ADAMTSL3: variants seen among roughly 807,000 people sequenced by gnomAD.
ADAMTSL3 encodes the protein ADAMTS-like protein 3.
Under a neutral mutation model 201.7 loss-of-function variants are expected in ADAMTSL3, and 128 were observed. The observed-to-expected ratio is 0.63, with a 90% CI of 0.55 to 0.73. The LOEUF (loss-of-function observed/expected upper bound fraction) is 0.73. ADAMTSL3 is among the 30% of genes least tolerant of loss of function. The pLI is 0.00. For synonymous variants in ADAMTSL3, 738 were observed against 748.4 expected (o/e 0.99, Z 0.23); for missense variants, 1,990 against 2,119.6 (o/e 0.94, Z 1.20).
At chr15:83,683,942 C>T (rs369489895) in intron 2 of ADAMTSL3, among the ~76,000 whole-genome samples, 3 of 152,296 alleles carry the variant, frequency 2.0e-5, no homozygotes, top group East Asian at 1.9e-4. Context: ...TTTTCTCATT[C>T]TGCTTTTAGT....
chr15:83,939,339 G>T (rs1265211018), intron 17 of ADAMTSL3, among the ~76,000 whole-genome samples: 1 of 152,018 alleles, frequency 6.6e-6, no homozygotes, highest in Admixed American at 6.6e-5. Context: ...CTGACATGGA[G>T]TTTATTTTAG....
intron 4 of ADAMTSL3, among the ~76,000 whole-genome samples, chr15:83,802,748 CT>C (rs1475806661): frequency 2.0e-5 from 3 of 152,136 alleles, no homozygotes; most frequent in Non-Finnish European, 4.4e-5. Context: ...GGTGATGGAA[CT>C]GTTCCAAATA....
intron 2 of ADAMTSL3, among the ~76,000 whole-genome samples, chr15:83,676,244 C>G (rs1040788486): frequency 1.3e-5 from 2 of 151,738 alleles, no homozygotes; most frequent in African/African-American, 2.4e-5. Flanking sequence ...AAATTTCTCT[C>G]TCTGTAACTG....
intron 8 of ADAMTSL3, among the ~76,000 whole-genome samples, chr15:83,860,057 A>G (rs2141780483): frequency 6.6e-6 from 1 of 152,168 alleles, no homozygotes; most frequent in East Asian, 1.9e-4. Flanking sequence ...AGTCCAAGCT[A>G]CTCAAGAGGT....
At chr15:83,727,639 G>A (rs904670964) in intron 3 of ADAMTSL3, among the ~76,000 whole-genome samples, 3 of 151,972 alleles carry the variant, frequency 2.0e-5, no homozygotes, top group Non-Finnish European at 4.4e-5. Context: ...TCATTCAGAA[G>A]CATATTGTTT....
At chr15:84,020,319 T>A (rs544843500) in intron 25 of ADAMTSL3, among the ~76,000 whole-genome samples, 2 of 152,296 alleles carry the variant, frequency 1.3e-5, no homozygotes, top group Admixed American at 6.5e-5. Flanking sequence ...TTTCATTCAG[T>A]TTCCACCTCT....
At chr15:83,905,117 G>A (rs563237210) in intron 15 of ADAMTSL3, among the ~76,000 whole-genome samples, 1 of 152,188 alleles carries the variant, frequency 6.6e-6, no homozygotes, top group Non-Finnish European at 1.5e-5. Context: ...GAGATATTAA[G>A]TGGTGGACAG....
intron 4 of ADAMTSL3, among the ~76,000 whole-genome samples, chr15:83,798,590 G>A (rs948542433): frequency 6.6e-6 from 1 of 151,870 alleles, no homozygotes; most frequent in African/African-American, 2.4e-5. Flanking sequence ...GGCGGATCAC[G>A]AGGTCAGGAG....
chr15:83,681,750 A>C (rs138396409), intron 2 of ADAMTSL3, among the ~76,000 whole-genome samples: 68 of 152,312 alleles, frequency 4.5e-4, no homozygotes, highest in African/African-American at 1.6e-3. Context: ...CTGTCGGTGC[A>C]TGGTAAGAGA....
intron 14 of ADAMTSL3, among the ~76,000 whole-genome samples, chr15:83,898,572 T>A (rs936056465): frequency 2.0e-5 from 3 of 152,018 alleles, no homozygotes; most frequent in Non-Finnish European, 2.9e-5. Flanking sequence ...GCATTTATAA[T>A]CTCTCCAGTA....
chr15:83,898,093 A>G (rs951650456), intron 14 of ADAMTSL3, 88 bp downstream of exon 14: 99 of 1,427,296 alleles, frequency 6.9e-5, no homozygotes, highest in Non-Finnish European at 8.8e-5. Flanking sequence ...TCAACTTACT[A>G]CTTTCTTATA....
chr15:83,881,300 G>T (rs907077731), intron 9 of ADAMTSL3, among the ~76,000 whole-genome samples: 2 of 152,170 alleles, frequency 1.3e-5, no homozygotes, highest in Admixed American at 1.3e-4. Flanking sequence ...TTGGGAACCT[G>T]GGGTGTTTAC....
At chr15:83,949,708 T>C (rs1480107794) in intron 19 of ADAMTSL3, among the ~76,000 whole-genome samples, 1 of 152,170 alleles carries the variant, frequency 6.6e-6, no homozygotes, top group Non-Finnish European at 1.5e-5. Flanking sequence ...CCATTTTAAC[T>C]GGAGTGAGAT....
rs1596268093 is a variant in ADAMTSL3 at position 83,821,745 on chromosome 15, A to G, written c.600+1698A>G. ...CCGTTGTCGTCATGGCCCGTTCTCA[A>G]TGAGCTGTTGGGTACACCTCCCAGA... On this transcript the variant is annotated intron_variant, in intron 6 of 29. Transcript: ENST00000286744. 2.6e-5 allele frequency among the ~76,000 whole-genome samples: 4 copies of G among 152,164 alleles called. No individual in the cohort carries two copies. The South Asian group carries it at 6.2e-4, about 24-fold the overall frequency.
chr15:83,913,293 A>G lies in ADAMTSL3; in HGVS notation c.1902A>G (p.Leu634=), dbSNP rs369940872. The change falls in exon 16 of 30, where the codon CTA becomes CTG. Residue 634 remains leucine, a synonymous_variant. Coordinates refer to ENST00000286744, the MANE Select transcript of ADAMTSL3 (RefSeq NM_207517.3). The stretch of plus-strand genomic sequence containing the variant: ...ATGAGAGCCCGGCCTCCCGAGAGCT[A>G]GACATCCCTCTCCCTGAGGACAGTG... ...ACDESPASRE[L]DIPLPEDSET... The G allele has an allele frequency of 3.8e-5, 62 of 1,613,884 alleles. No individual in the cohort carries two copies. In the South Asian group the frequency reaches 5.5e-4, roughly 14 times the overall value.
At chr15:84,008,347 G>C (rs1174507539) in intron 23 of ADAMTSL3, among the ~76,000 whole-genome samples, 1 of 152,126 alleles carries the variant, frequency 6.6e-6, no homozygotes, top group African/African-American at 2.4e-5. Flanking sequence ...TGCCCACCTC[G>C]GCCTCCCACA....
At chr15:83,697,223 A>G (rs1042475336) in intron 2 of ADAMTSL3, among the ~76,000 whole-genome samples, 3 of 152,142 alleles carry the variant, frequency 2.0e-5, no homozygotes, top group African/African-American at 4.8e-5. Context: ...CATTACATCA[A>G]TCTGAGAAAT....
chr15:84,011,732 A>G (rs568964603), intron 23 of ADAMTSL3, among the ~76,000 whole-genome samples: 28 of 152,364 alleles, frequency 1.8e-4, no homozygotes, highest in African/African-American at 6.7e-4. Context: ...ATTCAAAATA[A>G]TAAAGTTCAG....
intron 17 of ADAMTSL3, among the ~76,000 whole-genome samples, chr15:83,928,801 T>A (rs2066295215): frequency 6.6e-6 from 1 of 152,226 alleles, no homozygotes. Flanking sequence ...TTAATTTAAA[T>A]TTTCAAGACT....
Sources: allele counts gnomAD v4.1 joint callset (sites outside exome capture counted in the v4.1 genomes callset), GRCh38; gene constraint gnomAD v4.1.1; transcripts MANE v1.5; gene names NCBI Gene and HGNC (gene_info 2026-07-23, HGNC 2026-07-21).